LEF1: variants seen among roughly 807,000 people sequenced by gnomAD.
The protein encoded by LEF1 is lymphoid enhancer binding factor 1, also known as lymphoid enhancer-binding factor 1.
A neutral mutation model predicts 51.2 loss-of-function variants in LEF1; 14 were observed. That is an observed-to-expected ratio of 0.27 (90% CI 0.18 to 0.43). LEF1 has a LOEUF of 0.43. Among genes scored for constraint, LEF1 ranks in the 20% least tolerant of loss-of-function variants. The probability of loss-of-function intolerance (pLI) is 1.00; values close to 1 mark genes in which losing one functional copy is unlikely to be tolerated. For missense variants in LEF1, 386 were observed against 512.0 expected, an observed-to-expected ratio of 0.75 and a Z score of 2.37; for synonymous variants, 185 against 183.2, an observed-to-expected ratio of 1.01 and a Z score of -0.08.
In LEF1 at chr4:108,133,107, G is replaced by A. The variant is rs1169078350; in HGVS notation, c.414+30461C>T. On this transcript the variant is annotated intron_variant, in intron 3 of 11. Coordinates refer to ENST00000265165, the MANE Select transcript of LEF1 (RefSeq NM_016269.5). ...TCCTGCCTCAGCCTCCCGAGTAGCTGGGATTACAGCCACACACCACCATGC... is the reference window on the plus strand; with the variant it reads ...TCCTGCCTCAGCCTCCCGAGTAGCTAGGATTACAGCCACACACCACCATGC... Among the ~76,000 whole-genome samples the A allele has an allele frequency of 2.0e-5, 3 of 152,206 alleles. No homozygotes were observed. In the East Asian group the frequency reaches 5.8e-4, roughly 29 times the overall value.
At chr4:108,133,897 G>A (rs1743062423) in intron 3 of LEF1, among the ~76,000 whole-genome samples, 1 of 152,096 alleles carries the variant, frequency 6.6e-6, no homozygotes, top group Non-Finnish European at 1.5e-5. Flanking sequence ...TATTTGCCAA[G>A]ACTTCTATCT....
intron 3 of LEF1, among the ~76,000 whole-genome samples, chr4:108,142,773 C>T (rs924425237): frequency 7.2e-5 from 11 of 152,126 alleles, no homozygotes; most frequent in African/African-American, 2.4e-4. Context: ...ATCAATATTA[C>T]ATAGCTCTAC....
chr4:108,158,235 A>T (rs1744850635), intron 3 of LEF1, among the ~76,000 whole-genome samples: 1 of 152,226 alleles, frequency 6.6e-6, no homozygotes, highest in South Asian at 2.1e-4. Flanking sequence ...TTTTTAAATT[A>T]TCTGAATAAA....
chr4:108,079,517 G>T lies in LEF1; in HGVS notation c.820C>A (p.His274Asn), dbSNP rs757354968. The change falls in exon 7 of 12, where the codon CAC (histidine) becomes AAC (asparagine). Residue 274 changes from histidine (H) to asparagine (N), a missense_variant. Physicochemically the swap from His to Asn is moderately conservative, Grantham distance 68. Transcript: ENST00000265165. ...VTPQVKQEHP[H>N]TDSDLMHVKP... ...ACGTGCATTAGGTCACTGTCAGTGTGGGGATGTTCCTGTTTGACCTGAGGT... is the reference window on the plus strand; with the variant it reads ...ACGTGCATTAGGTCACTGTCAGTGTTGGGATGTTCCTGTTTGACCTGAGGT... 5 of 1,614,084 alleles carry T rather than the reference G, an allele frequency of 3.1e-6. No individual in the cohort carries two copies. The Admixed American group carries it at 8.3e-5, about 27-fold the overall frequency.
At chr4:108,051,321 G>C (rs188387236) in intron 11 of LEF1, among the ~76,000 whole-genome samples, 184 of 152,254 alleles carry the variant, frequency 1.2e-3, no homozygotes, top group South Asian at 5.0e-3. Context: ...GTCCCTGGTG[G>C]CTCTTTTAAA....
At chr4:108,062,819 T>C (rs1737786680) in intron 11 of LEF1, among the ~76,000 whole-genome samples, 1 of 152,176 alleles carries the variant, frequency 6.6e-6, no homozygotes, top group South Asian at 2.1e-4. Context: ...GGTGATTGAC[T>C]GGATGTGGGT....
chr4:108,119,229 G>C (rs1278060569), intron 3 of LEF1, among the ~76,000 whole-genome samples: 1 of 149,566 alleles, frequency 6.7e-6, no homozygotes, highest in Non-Finnish European at 1.5e-5. Flanking sequence ...GTCAGTCCTT[G>C]GGTTCTAAAT....
At chr4:108,062,097 G>A (rs556542040) in intron 11 of LEF1, among the ~76,000 whole-genome samples, 83 of 152,150 alleles carry the variant, frequency 5.5e-4, no homozygotes, top group Non-Finnish European at 1.2e-3. Context: ...GGTAGGTATC[G>A]ATATTCCCCT....
At chr4:108,066,617 ACCT>A (rs1738098611) in intron 9 of LEF1, among the ~76,000 whole-genome samples, 1 of 152,186 alleles carries the variant, frequency 6.6e-6, no homozygotes, top group African/African-American at 2.4e-5. Context: ...AAATCAAATA[ACCT>A]GTTACCTTCT....
intron 3 of LEF1, among the ~76,000 whole-genome samples, chr4:108,099,258 A>G (rs1740588497): frequency 6.6e-6 from 1 of 152,004 alleles, no homozygotes; most frequent in African/African-American, 2.4e-5. Context: ...TCTGCACTAC[A>G]TTTCTATCAG....
intron 5 of LEF1, among the ~76,000 whole-genome samples, chr4:108,081,962 G>A (rs1043353195): frequency 6.6e-6 from 1 of 152,058 alleles, no homozygotes; most frequent in African/African-American, 2.4e-5. Context: ...TTTGAACAAA[G>A]TAAGCACTTA....
chr4:108,135,897 C>A (rs1370959233), intron 3 of LEF1, among the ~76,000 whole-genome samples: 3 of 152,152 alleles, frequency 2.0e-5, no homozygotes, highest in Non-Finnish European at 2.9e-5. Context: ...GCTTCATCCC[C>A]CTTTCCCCCA....
At chr4:108,123,880 C>A (rs1368258625) in intron 3 of LEF1, among the ~76,000 whole-genome samples, 1 of 152,138 alleles carries the variant, frequency 6.6e-6, no homozygotes, top group African/African-American at 2.4e-5. Flanking sequence ...GTGGCTCATG[C>A]CTGTAAATCC....
chr4:108,149,129 C>G (rs1477574275), intron 3 of LEF1, among the ~76,000 whole-genome samples: 1 of 152,108 alleles, frequency 6.6e-6, no homozygotes, highest in Non-Finnish European at 1.5e-5. Flanking sequence ...AAAAAGTTAT[C>G]TTAAATCAAG....
At chr4:108,073,834 T>C (rs1469332732) in intron 8 of LEF1, among the ~76,000 whole-genome samples, 8 of 147,836 alleles carry the variant, frequency 5.4e-5, no homozygotes, top group Admixed American at 1.3e-4. Context: ...CCCCCCCCCC[T>C]TTTTTTTTTG....
At chr4:108,055,757 T>C (rs529345223) in intron 11 of LEF1, among the ~76,000 whole-genome samples, 1 of 152,334 alleles carries the variant, frequency 6.6e-6, no homozygotes, top group South Asian at 2.1e-4. Flanking sequence ...TCAGTCTTGC[T>C]ACCTGAGGGT....
chr4:108,064,715 C>G (rs1480306907), intron 9 of LEF1, among the ~76,000 whole-genome samples: 1 of 151,016 alleles, frequency 6.6e-6, no homozygotes, highest in Non-Finnish European at 1.5e-5. Context: ...GAGCTGTGGC[C>G]ATAGAGCCTT....
At chr4:108,116,399 G>C (rs1298544235) in intron 3 of LEF1, among the ~76,000 whole-genome samples, 1 of 152,190 alleles carries the variant, frequency 6.6e-6, no homozygotes, top group Non-Finnish European at 1.5e-5. Context: ...GCACATGCCT[G>C]TGGTCCCAGC....
intron 11 of LEF1, among the ~76,000 whole-genome samples, chr4:108,060,070 A>G (rs373067709): frequency 1.3e-5 from 2 of 152,184 alleles, no homozygotes; most frequent in East Asian, 1.9e-4. Context: ...ACAAGGAACC[A>G]TATTATTACA....
Sources: allele counts gnomAD v4.1 joint callset (sites outside exome capture counted in the v4.1 genomes callset), GRCh38; gene constraint gnomAD v4.1.1; transcripts MANE v1.5; gene names NCBI Gene and HGNC (gene_info 2026-07-23, HGNC 2026-07-21).